Variants in GRM8 observed in about 807,000 individuals in gnomAD.
GRM8 encodes glutamate metabotropic receptor 8.
GRM8 carries 47 observed loss-of-function variants against 87.2 expected under a neutral mutation model. The ratio of observed to expected loss-of-function variants is 0.54; its 90% CI spans 0.43 to 0.69. GRM8 has a LOEUF of 0.69. Among genes scored for constraint, GRM8 ranks in the 30% least tolerant of loss-of-function variants. GRM8 has a pLI of 0.00. For synonymous variants in GRM8, 396 were observed against 404.5 expected (o/e 0.98, Z 0.25); for missense variants, 1,019 against 1,139.2 (o/e 0.89, Z 1.52).
chr7:126,981,095 T>G (rs1811478280), intron 3 of GRM8: 1 of 153,356 alleles, frequency 6.5e-6, no homozygotes, highest in South Asian at 2.1e-4. Flanking sequence ...CTTCAGCAGT[T>G]TGGCAGCCCC....
At chr7:126,455,757 A>G (rs539019554) in intron 9 of GRM8, among the ~76,000 whole-genome samples, 1 of 151,872 alleles carries the variant, frequency 6.6e-6, no homozygotes, top group South Asian at 2.1e-4. Context: ...TGCAGAAGAC[A>G]TTGCTGCATA....
intron 8 of GRM8, among the ~76,000 whole-genome samples, chr7:126,547,571 G>A (rs1379481965): frequency 6.6e-6 from 1 of 151,588 alleles, no homozygotes; most frequent in Admixed American, 6.6e-5. Flanking sequence ...TAATTTGAAG[G>A]TAAAGCTGAG....
rs573387703 is a variant in GRM8, at chr7:126,540,874, C to G, written c.1495-6987G>C. 2.6e-5 allele frequency among the ~76,000 whole-genome samples: 4 copies of G among 152,260 alleles called. No homozygotes were observed. In the South Asian group the frequency reaches 8.3e-4, roughly 32 times the overall value. On this transcript the variant is annotated intron_variant, in intron 8 of 10. Transcript: ENST00000339582. The stretch of plus-strand genomic sequence containing the variant: ...TGCAACACTGTGAATATACGAAGAA[C>G]CACTGAATTGCATACTTTGAAAGAG...
At chr7:126,490,152 A>G (rs967231221) in intron 9 of GRM8, among the ~76,000 whole-genome samples, 10 of 152,070 alleles carry the variant, frequency 6.6e-5, no homozygotes, top group African/African-American at 2.4e-4. Context: ...TTACATATCT[A>G]TATCTGCGGC....
At chr7:126,657,238 T>C (rs1804628793) in intron 7 of GRM8, among the ~76,000 whole-genome samples, 1 of 143,830 alleles carries the variant, frequency 7.0e-6, no homozygotes. Context: ...GTTGTGCCTG[T>C]ACACACAAAA....
intron 7 of GRM8, among the ~76,000 whole-genome samples, chr7:126,764,179 A>T (rs1817940329): frequency 6.6e-6 from 1 of 151,894 alleles, no homozygotes; most frequent in Admixed American, 6.6e-5. Context: ...TTTTTGTTTC[A>T]TGTTTATCAC....
intron 9 of GRM8, among the ~76,000 whole-genome samples, chr7:126,498,594 T>C (rs565613298): frequency 6.6e-6 from 1 of 151,890 alleles, no homozygotes; most frequent in African/African-American, 2.4e-5. Flanking sequence ...TCCAGAAAAG[T>C]GGGGGGACAT....
intron 6 of GRM8, among the ~76,000 whole-genome samples, chr7:126,785,483 G>A (rs1486792500): frequency 1.3e-5 from 2 of 152,016 alleles, no homozygotes; most frequent in African/African-American, 4.8e-5. Context: ...GGCATGACTT[G>A]GTCAGAATAA....
intron 3 of GRM8, chr7:127,095,721 A>T (rs1045230817): frequency 2.0e-5 from 3 of 152,166 alleles, no homozygotes; most frequent in African/African-American, 7.2e-5. Flanking sequence ...AGGTCTTTTC[A>T]TTACATGAAC....
chr7:126,555,680 C>T (rs1793063939), intron 8 of GRM8, among the ~76,000 whole-genome samples: 1 of 152,206 alleles, frequency 6.6e-6, no homozygotes, highest in Non-Finnish European at 1.5e-5. Context: ...GAAGCACCTA[C>T]TAGCAGTTTG....
intron 6 of GRM8, among the ~76,000 whole-genome samples, chr7:126,780,297 G>T (rs969499060): frequency 7.2e-5 from 11 of 152,028 alleles, no homozygotes; most frequent in Admixed American, 7.2e-4. Context: ...GTAAAATGGG[G>T]ATAACAATAA....
chr7:126,861,072 C>G (rs1460376451), intron 6 of GRM8, among the ~76,000 whole-genome samples: 1 of 152,062 alleles, frequency 6.6e-6, no homozygotes, highest in Non-Finnish European at 1.5e-5. Context: ...CATTCCATAC[C>G]AGCTAGCTAT....
At chr7:126,603,960 CTCT>C (rs1798083157) in intron 8 of GRM8, among the ~76,000 whole-genome samples, 1 of 151,472 alleles carries the variant, frequency 6.6e-6, no homozygotes, top group Admixed American at 6.6e-5. Flanking sequence ...AAAGCTGTTC[CTCT>C]ATGAAATTAA....
chr7:127,239,363 G>C (rs950048509), intron 2 of GRM8, among the ~76,000 whole-genome samples: 1 of 152,190 alleles, frequency 6.6e-6, no homozygotes, highest in African/African-American at 2.4e-5. Context: ...TATTCCTTAT[G>C]ATCAAGGTTC....
intron 3 of GRM8, among the ~76,000 whole-genome samples, chr7:126,925,968 G>T (rs1283154161): frequency 6.6e-6 from 1 of 152,066 alleles, no homozygotes; most frequent in Non-Finnish European, 1.5e-5. Flanking sequence ...TTCATGGCAG[G>T]TTGAATGTAT....
chr7:127,110,846 G>A (rs1826280667), intron 2 of GRM8, among the ~76,000 whole-genome samples: 1 of 152,068 alleles, frequency 6.6e-6, no homozygotes, highest in Non-Finnish European at 1.5e-5. Flanking sequence ...AGAGTTCTAC[G>A]TTTATTGGGC....
chr7:126,920,070 GT>G (rs1804354616), intron 3 of GRM8, among the ~76,000 whole-genome samples: 1 of 152,134 alleles, frequency 6.6e-6, no homozygotes, highest in Non-Finnish European at 1.5e-5. Context: ...AGTCATGAGA[GT>G]AAGACTCCCA....
At chr7:126,749,549 AT>A (rs930930911) in intron 7 of GRM8, among the ~76,000 whole-genome samples, 107 of 149,980 alleles carry the variant, frequency 7.1e-4, no homozygotes, top group African/African-American at 2.5e-3. Flanking sequence ...AATATTACAT[AT>A]TTTTATATAA....
intron 7 of GRM8, among the ~76,000 whole-genome samples, chr7:126,755,429 C>T (rs796600551): frequency 7.9e-5 from 12 of 151,866 alleles, no homozygotes; most frequent in African/African-American, 2.2e-4. Context: ...TTTTTGCAGA[C>T]GGCTGATGTC....
Sources: allele counts gnomAD v4.1 joint callset (sites outside exome capture counted in the v4.1 genomes callset), GRCh38; gene constraint gnomAD v4.1.1; transcripts MANE v1.5; gene names NCBI Gene and HGNC (gene_info 2026-07-23, HGNC 2026-07-21).